The following ZNF277 variants were observed in gnomAD, a reference collection of about 807,000 sequenced individuals.
ZNF277 encodes zinc finger protein 277, also known as nuclear receptor-interacting factor 4.
A neutral mutation model predicts 60.7 loss-of-function variants in ZNF277; 55 were observed. The observed-to-expected ratio is 0.91, with a 90% CI of 0.73 to 1.13. The LOEUF is 1.13. ZNF277 is among the 50% of genes most tolerant of loss of function. The pLI, the probability that ZNF277 is intolerant of heterozygous loss-of-function variation, is 0.00. For synonymous variants in ZNF277, 178 were observed against 179.3 expected (o/e 0.99, Z 0.06); for missense variants, 510 against 523.0 (o/e 0.98, Z 0.24).
chr7:112,325,618 C>G (rs1793075953), intron 5 of ZNF277, among the ~76,000 whole-genome samples: 2 of 152,138 alleles, frequency 1.3e-5, no homozygotes. Flanking sequence ...TCAGAGCAAG[C>G]CTAGGCTCAC....
intron 1 of ZNF277, among the ~76,000 whole-genome samples, chr7:112,242,287 C>G (rs1017922620): frequency 6.6e-6 from 1 of 151,728 alleles, no homozygotes; most frequent in African/African-American, 2.4e-5. Context: ...AATGACAAAC[C>G]CACAGCCAGT....
chr7:112,333,185 C>T (rs184345890), intron 7 of ZNF277, among the ~76,000 whole-genome samples: 26 of 151,754 alleles, frequency 1.7e-4, no homozygotes, highest in Admixed American at 3.9e-4. Flanking sequence ...CCCTTGTTAT[C>T]CCTCTGAGGG....
intron 1 of ZNF277, among the ~76,000 whole-genome samples, chr7:112,259,220 C>A (rs961214001): frequency 2.6e-5 from 4 of 151,914 alleles, no homozygotes; most frequent in African/African-American, 7.3e-5. Flanking sequence ...AAATAAAATA[C>A]AATAAATTTT....
At chr7:112,266,064 T>A (rs75930753) in intron 1 of ZNF277, among the ~76,000 whole-genome samples, 2,320 of 152,240 alleles carry the variant, frequency 0.015, 26 homozygotes, top group South Asian at 0.037. Flanking sequence ...TAAGGACAAA[T>A]AGAAGCTGTG....
At chr7:112,312,381 A>G (rs1321130956) in intron 4 of ZNF277, among the ~76,000 whole-genome samples, 1 of 152,074 alleles carries the variant, frequency 6.6e-6, no homozygotes, top group Non-Finnish European at 1.5e-5. Flanking sequence ...TTCTTGGGGT[A>G]ATTGAATAAA....
intron 4 of ZNF277, among the ~76,000 whole-genome samples, chr7:112,300,942 C>T (rs1029163415): frequency 6.6e-6 from 1 of 152,078 alleles, no homozygotes; most frequent in Admixed American, 6.6e-5. Context: ...TCATACTTAC[C>T]TTGTCTATAG....
intron 1 of ZNF277, among the ~76,000 whole-genome samples, chr7:112,222,418 T>G (rs1822055356): frequency 1.3e-5 from 2 of 152,224 alleles, no homozygotes; most frequent in Non-Finnish European, 2.9e-5. Context: ...TCTTGCTAGG[T>G]TCTATGTGTA....
chr7:112,237,790 A>G (rs1016241887), intron 1 of ZNF277, among the ~76,000 whole-genome samples: 1 of 152,198 alleles, frequency 6.6e-6, no homozygotes, highest in Non-Finnish European at 1.5e-5. Context: ...TTACAAAAAG[A>G]CAAGGAGGAG....
rs758949206 is a variant in ZNF277 at position 112,295,903 on chromosome 7, C to G, written c.328C>G (p.Gln110Glu). 6.2e-7 allele frequency: 1 copy of G among 1,612,908 alleles called. No homozygotes were observed. Among genetic ancestry groups the G allele is most frequent in the South Asian group, 1.1e-5 (1 of 91,014 alleles). Residue 110 changes from glutamine to glutamate, a missense_variant, in exon 3 of 12, where the codon CAG (glutamine) becomes GAG (glutamate). Physicochemically the swap from Gln to Glu is conservative, Grantham distance 29 (BLOSUM62 2). Coordinates refer to ENST00000361822, the MANE Select transcript of ZNF277 (RefSeq NM_021994.3). ...ILYWRKRFTEQPITDFCSVIR... is the reference protein window; with the variant it reads ...ILYWRKRFTEEPITDFCSVIR... ...ATATTGGAGGAAAAGGTTCACTGAA[C>G]AGCCCATCACAGATTTTTGTAGTGT...
intron 4 of ZNF277, among the ~76,000 whole-genome samples, chr7:112,302,649 G>A (rs888299251): frequency 1.3e-5 from 2 of 151,996 alleles, no homozygotes; most frequent in Non-Finnish European, 1.5e-5. Flanking sequence ...AATCTAAAAC[G>A]ATATTATTCT....
At chr7:112,294,650 A>G (rs1400545218) in intron 2 of ZNF277, among the ~76,000 whole-genome samples, 2 of 152,122 alleles carry the variant, frequency 1.3e-5, no homozygotes, top group African/African-American at 2.4e-5. Context: ...TACATATTCT[A>G]TATTCATTCA....
intron 1 of ZNF277, among the ~76,000 whole-genome samples, chr7:112,229,067 A>C (rs984033927): frequency 3.9e-5 from 6 of 152,176 alleles, no homozygotes; most frequent in African/African-American, 1.4e-4. Context: ...TCAAATATAG[A>C]GTGTTTGTTA....
intron 4 of ZNF277, among the ~76,000 whole-genome samples, chr7:112,312,807 T>C (rs1792761271): frequency 6.6e-6 from 1 of 152,106 alleles, no homozygotes; most frequent in Non-Finnish European, 1.5e-5. Context: ...TACCAATTCA[T>C]TTAGAATGTC....
chr7:112,244,997 T>C (rs1474319155), intron 1 of ZNF277, among the ~76,000 whole-genome samples: 1 of 152,210 alleles, frequency 6.6e-6, no homozygotes. Flanking sequence ...TTTTCTACTT[T>C]GAATACCTAG....
chr7:112,212,012 T>C (rs1231576527), intron 1 of ZNF277, among the ~76,000 whole-genome samples: 3 of 152,224 alleles, frequency 2.0e-5, no homozygotes, highest in East Asian at 3.8e-4. Context: ...AATAAAAAAC[T>C]GAATAGATGT....
intron 1 of ZNF277, among the ~76,000 whole-genome samples, chr7:112,228,499 G>A (rs1047463344): frequency 7.6e-5 from 8 of 105,626 alleles, no homozygotes; most frequent in Admixed American, 1.5e-4. Flanking sequence ...TTGAGCACAT[G>A]CTGTCCCTTG....
Position 112,296,329 on chromosome 7 carries a change from AG to A in ZNF277, c.465+21del, listed in dbSNP as rs749913457. On this transcript the variant is annotated intron_variant, in intron 4 of 11. Transcript: ENST00000361822. ...AGAGACTGGTAAGAATTGTTTTTAA[AG>A]GGTGAATAGTGTCTTGAAAATACAT... 4 of 1,368,230 alleles carry A rather than the reference AG, an allele frequency of 2.9e-6. No homozygotes were observed. In the Admixed American group the frequency reaches 8.9e-5, roughly 30 times the overall value. 84.8% of individuals were successfully genotyped at this position (1,368,230 alleles called of 1,614,324 possible). A position where few individuals can be genotyped will look rare whatever the true frequency, so the allele number is the denominator to read the frequency against.
chr7:112,227,256 G>A (rs1822199306), intron 1 of ZNF277, among the ~76,000 whole-genome samples: 1 of 152,154 alleles, frequency 6.6e-6, no homozygotes, highest in South Asian at 2.1e-4. Context: ...ATTTTCATAT[G>A]CTTGCAGGCT....
chr7:112,267,456 T>C (rs2117033217), intron 1 of ZNF277, among the ~76,000 whole-genome samples: 1 of 152,324 alleles, frequency 6.6e-6, no homozygotes, highest in East Asian at 1.9e-4. Context: ...AATTATCACG[T>C]TCTATTTGAA....
Sources: gnomAD v4.1 joint callset for allele counts (sites outside exome capture counted in the v4.1 genomes callset) on GRCh38, gnomAD v4.1.1 for gene constraint, MANE v1.5 for transcripts, NCBI Gene and HGNC (gene_info 2026-07-23, HGNC 2026-07-21) for gene names.